The following ADD1 variants were observed in gnomAD, a reference collection of about 807,000 sequenced individuals.
The protein encoded by ADD1 is alpha-adducin.
ADD1 carries 24 observed loss-of-function variants against 80.5 expected under a neutral mutation model. The ratio of observed to expected loss-of-function variants is 0.30; its 90% CI spans 0.22 to 0.42. ADD1 has a LOEUF of 0.42. ADD1 is among the 10% of genes least tolerant of loss of function. The pLI is 1.00. For synonymous variants in ADD1, 373 were observed against 393.8 expected (o/e 0.95, Z 0.63); for missense variants, 948 against 1,019.0 (o/e 0.93, Z 0.95).
At chr4:2,877,494 C>T (rs1433321081) in intron 2 of ADD1, among the ~76,000 whole-genome samples, 1 of 151,752 alleles carries the variant, frequency 6.6e-6, no homozygotes, top group East Asian at 1.9e-4. Flanking sequence ...TCTGTAACTA[C>T]CCAGATCAAG....
chr4:2,867,062 C>A (rs558242059), intron 1 of ADD1, among the ~76,000 whole-genome samples: 1 of 152,106 alleles, frequency 6.6e-6, no homozygotes, highest in East Asian at 1.9e-4. Context: ...CAGAGCAAGA[C>A]CCAGTCTGAA....
intron 1 of ADD1, among the ~76,000 whole-genome samples, chr4:2,860,778 C>CA (rs1728720935): frequency 6.6e-6 from 1 of 152,170 alleles, no homozygotes; most frequent in African/African-American, 2.4e-5. Flanking sequence ...CATGCATTAA[C>CA]CTGTTGTTAA....
At chr4:2,911,621 A>G (rs904158803) in intron 13 of ADD1, among the ~76,000 whole-genome samples, 4 of 151,426 alleles carry the variant, frequency 2.6e-5, no homozygotes, top group East Asian at 1.9e-4. Context: ...ACCTGGCTAA[A>G]TTTTTGTATT....
intron 13 of ADD1, 35 bp downstream of exon 13, chr4:2,909,466 C>G (rs181392394): frequency 2.7e-6 from 4 of 1,489,306 alleles, no homozygotes; most frequent in South Asian, 2.4e-5. Context: ...CCTGTCTATG[C>G]GCCTTGCTCC....
chr4:2,850,657 C>G (rs180949211), intron 1 of ADD1, among the ~76,000 whole-genome samples: 6 of 152,218 alleles, frequency 3.9e-5, no homozygotes, highest in Non-Finnish European at 7.3e-5. Context: ...AATCTCCTGA[C>G]CTCATGATCC....
intron 3 of ADD1, among the ~76,000 whole-genome samples, chr4:2,882,337 A>C (rs1732496138): frequency 6.6e-6 from 1 of 152,178 alleles, no homozygotes; most frequent in Admixed American, 6.5e-5. Flanking sequence ...GATTAAAATA[A>C]ACTAATAGAA....
intron 4 of ADD1, among the ~76,000 whole-genome samples, chr4:2,892,739 A>T (rs1052848614): frequency 6.6e-6 from 1 of 151,728 alleles, no homozygotes; most frequent in Non-Finnish European, 1.5e-5. Flanking sequence ...GGAGGCTGAG[A>T]TGTGTGGATC....
chr4:2,903,463 G>A (rs953546405), intron 9 of ADD1, among the ~76,000 whole-genome samples: 3 of 152,188 alleles, frequency 2.0e-5, no homozygotes, highest in Non-Finnish European at 2.9e-5. Flanking sequence ...TGCATTCAGG[G>A]TGTTGGCTAG....
At chr4:2,867,433 A>G (rs1214974437) in intron 1 of ADD1, among the ~76,000 whole-genome samples, 6 of 152,208 alleles carry the variant, frequency 3.9e-5, no homozygotes, top group Non-Finnish European at 8.8e-5. Flanking sequence ...GTTGTCAGCA[A>G]CAAGAACACA....
intron 1 of ADD1, among the ~76,000 whole-genome samples, chr4:2,846,290 G>A (rs1382984391): frequency 2.6e-5 from 4 of 152,252 alleles, no homozygotes; most frequent in Admixed American, 2.6e-4. Context: ...GTCATGTGGA[G>A]TTATGCACAG....
chr4:2,867,243 A>G (rs559541163), intron 1 of ADD1, among the ~76,000 whole-genome samples: 3 of 152,168 alleles, frequency 2.0e-5, no homozygotes, highest in African/African-American at 7.2e-5. Flanking sequence ...GATCCCTTGC[A>G]TTTTCTAGCT....
intron 9 of ADD1, chr4:2,901,464 C>G (rs957179833): frequency 1.2e-4 from 19 of 152,106 alleles, no homozygotes; most frequent in Non-Finnish European, 1.9e-4. Flanking sequence ...TTACAAAAAG[C>G]ATGATGAATG....
intron 1 of ADD1, chr4:2,844,923 A>C (rs1046199414): frequency 6.6e-6 from 1 of 152,188 alleles, no homozygotes; most frequent in Non-Finnish European, 1.5e-5. Context: ...GACTGTGTCT[A>C]TGAGTAGAGG....
At chr4:2,928,050 T>G (rs1276794899) in intron 15 of ADD1, 121 bp from the exon 16 acceptor site, 4 of 863,994 alleles carry the variant, frequency 4.6e-6, no homozygotes, top group Non-Finnish European at 7.4e-6. Flanking sequence ...GTTTCTTGTC[T>G]TGGTAAAAAT....
chr4:2,906,009 T>A (rs1252508185), intron 10 of ADD1, among the ~76,000 whole-genome samples: 1 of 152,234 alleles, frequency 6.6e-6, no homozygotes, highest in African/African-American at 2.4e-5. Context: ...CATCTGTGCA[T>A]GACTAGTTCA....
At chr4:2,870,035 C>T (rs1231181543) in intron 1 of ADD1, among the ~76,000 whole-genome samples, 1 of 152,226 alleles carries the variant, frequency 6.6e-6, no homozygotes, top group East Asian at 1.9e-4. Flanking sequence ...CTCTCTTCTT[C>T]CTAGTTTCAG....
intron 15 of ADD1, among the ~76,000 whole-genome samples, chr4:2,927,718 G>A (rs1281967365): frequency 6.6e-6 from 1 of 152,196 alleles, no homozygotes; most frequent in Non-Finnish European, 1.5e-5. Context: ...TGGGAGTTAT[G>A]CACGATTTTC....
chr4:2,848,227 A>AG (rs386399075), intron 1 of ADD1, among the ~76,000 whole-genome samples: 1 of 151,994 alleles, frequency 6.6e-6, no homozygotes, highest in Non-Finnish European at 1.5e-5. Flanking sequence ...AAAAAAAAAA[A>AG]TAGGAATCTT....
chr4:2,906,424 C>T (rs1202776103), intron 10 of ADD1, among the ~76,000 whole-genome samples: 4 of 151,402 alleles, frequency 2.6e-5, no homozygotes, highest in African/African-American at 9.7e-5. Context: ...CACCTTTCTG[C>T]GGCTGATGTG....
Sources: gnomAD v4.1 joint callset for allele counts (sites outside exome capture counted in the v4.1 genomes callset) on GRCh38, gnomAD v4.1.1 for gene constraint, MANE v1.5 for transcripts, NCBI Gene and HGNC (gene_info 2026-07-23, HGNC 2026-07-21) for gene names.